The following UNC5D variants were observed in gnomAD, a reference collection of about 807,000 sequenced individuals.
The protein encoded by UNC5D is unc-5 netrin receptor D, also known as netrin receptor UNC5D.
UNC5D carries 39 observed loss-of-function variants against 105.4 expected under a neutral mutation model. That is an observed-to-expected ratio of 0.37 (90% CI 0.29 to 0.48). The LOEUF (loss-of-function observed/expected upper bound fraction) is 0.48. UNC5D is among the 20% of genes least tolerant of loss of function. The pLI is 0.98. For missense variants in UNC5D, 991 were observed against 1,202.4 expected (o/e 0.82, Z 2.60); for synonymous variants, 452 against 450.4 (o/e 1.00, Z -0.04).
chr8:35,774,266 G>T (rs1231124009), intron 15 of UNC5D, 33 bp from the exon 16 acceptor site: 2 of 1,612,308 alleles, frequency 1.2e-6, no homozygotes. Context: ...CTTTCAGATA[G>T]ATCTGATCAT....
At chr8:35,267,580 A>C (rs1804974803) in intron 1 of UNC5D, among the ~76,000 whole-genome samples, 2 of 152,096 alleles carry the variant, frequency 1.3e-5, no homozygotes, top group East Asian at 3.9e-4. Context: ...CTGGGATTAC[A>C]GGCACCCACC....
intron 1 of UNC5D, among the ~76,000 whole-genome samples, chr8:35,458,349 T>G (rs1808640514): frequency 6.6e-6 from 1 of 152,156 alleles, no homozygotes; most frequent in Non-Finnish European, 1.5e-5. Flanking sequence ...CAGAGGGGAC[T>G]GTTAATGGTG....
At chr8:35,621,911 G>A (rs1821381011) in intron 4 of UNC5D, among the ~76,000 whole-genome samples, 1 of 152,176 alleles carries the variant, frequency 6.6e-6, no homozygotes, top group African/African-American at 2.4e-5. Context: ...TCAAAGACAA[G>A]AGACCTGTGT....
intron 1 of UNC5D, chr8:35,544,652 G>C: frequency 7.6e-7 from 1 of 1,321,280 alleles, no homozygotes; most frequent in Non-Finnish European, 1.0e-6. Flanking sequence ...ACTCAGGCTG[G>C]AGTGCAATAG....
rs773296202 is a variant in UNC5D at position 35,368,333 on chromosome 8, A to T, written c.103+132446A>T. 8.7e-4 allele frequency among the ~76,000 whole-genome samples: 132 copies of T among 152,110 alleles called. 2 individuals are homozygous for T. Among genetic ancestry groups the T allele is most frequent in the Non-Finnish European group, 9.7e-4 (66 of 68,016 alleles). On this transcript the variant is annotated intron_variant, in intron 1 of 16. Coordinates refer to ENST00000404895, the MANE Select transcript of UNC5D (RefSeq NM_080872.4). ...GCCACCCCCCGACACATGTGCACAC[A>T]TGTGCGCATGCATGCACACCCACCC... is the stretch of plus-strand genomic sequence containing the variant.
At chr8:35,695,526 A>G (rs1188019445) in intron 7 of UNC5D, among the ~76,000 whole-genome samples, 1 of 151,916 alleles carries the variant, frequency 6.6e-6, no homozygotes, top group Non-Finnish European at 1.5e-5. Flanking sequence ...ACAGGGCAAG[A>G]CTCTGTCTCT....
At chr8:35,545,040 G>C (rs1815548375) in intron 1 of UNC5D, among the ~76,000 whole-genome samples, 1 of 152,234 alleles carries the variant, frequency 6.6e-6, no homozygotes, top group Admixed American at 6.5e-5. Context: ...AGCCTCTGCT[G>C]TGAATGTGGT....
At chr8:35,677,106 T>C (rs1175966484) in intron 4 of UNC5D, among the ~76,000 whole-genome samples, 1 of 152,156 alleles carries the variant, frequency 6.6e-6, no homozygotes, top group African/African-American at 2.4e-5. Context: ...CGGTCTACGT[T>C]TTGCCACGGT....
Position 35,627,867 on chromosome 8 carries a change from C to A in UNC5D, c.570+32210C>A, listed in dbSNP as rs959181675. 3.9e-5 allele frequency among the ~76,000 whole-genome samples: 6 copies of A among 152,242 alleles called. No homozygotes were observed. The South Asian group carries it at 1.2e-3, about 32-fold the overall frequency. Reference sequence around the variant, plus strand: ...TCTTGAGCCCAGGAGGTTGAGGCTGCATTGAGCTGTGGTTGTGCCACTACA... The same window carrying A: ...TCTTGAGCCCAGGAGGTTGAGGCTGAATTGAGCTGTGGTTGTGCCACTACA... On this transcript the variant is annotated intron_variant, in intron 4 of 16. Transcript: ENST00000404895.
chr8:35,679,292 G>A (rs952350366), intron 4 of UNC5D, among the ~76,000 whole-genome samples: 2 of 152,080 alleles, frequency 1.3e-5, no homozygotes, highest in African/African-American at 4.8e-5. Flanking sequence ...GTAAGCATTA[G>A]GAAGAAAAAG....
chr8:35,376,298 T>G (rs1802696319), intron 1 of UNC5D, among the ~76,000 whole-genome samples: 1 of 152,154 alleles, frequency 6.6e-6, no homozygotes, highest in South Asian at 2.1e-4. Context: ...TGAAAGTCTT[T>G]TACCTAAAAG....
rs556842111 is a variant in UNC5D at position 35,719,418 on chromosome 8, G to C, written c.1118-2792G>C. Among the ~76,000 whole-genome samples, 9 of 152,286 alleles carry C rather than the reference G, an allele frequency of 5.9e-5. No individual in the cohort carries two copies. In the South Asian group the frequency reaches 1.9e-3, roughly 32 times the overall value. ...GAAGTACAACCAGGTAGATCGAAGA[G>C]AGAAGGGTAAAAAAGAAAAGAAAGA... is the stretch of plus-strand genomic sequence containing the variant. On this transcript the variant is annotated intron_variant, in intron 8 of 16. Transcript: ENST00000404895.
At chr8:35,514,696 ACAAAAAG>A (rs923829178) in intron 1 of UNC5D, among the ~76,000 whole-genome samples, 72 of 152,322 alleles carry the variant, frequency 4.7e-4, no homozygotes, top group African/African-American at 1.5e-3. Context: ...GGCAATTCAA[ACAAAAAG>A]AAATCAACAT....
Position 35,793,035 on chromosome 8 carries a change from A to T in UNC5D, c.*2472A>T, listed in dbSNP as rs1176835023. On this transcript the variant is annotated 3_prime_UTR_variant, in exon 17 of 17. Transcript: ENST00000404895. ...ATCATATCATATAGGATAACAAAGGAGGAAGTTAACTTAATTCACCTCAGA... is the reference window on the plus strand; with the variant it reads ...ATCATATCATATAGGATAACAAAGGTGGAAGTTAACTTAATTCACCTCAGA... The T allele has an allele frequency of 2.2e-6, 1 of 454,478 alleles. No individual in the cohort carries two copies. The highest frequency in any genetic ancestry group is 7.0e-5 in the East Asian group (1 of 14,386). 28.2% of individuals were successfully genotyped at this position (454,478 alleles called of 1,614,324 possible).
chr8:35,486,843 C>T (rs1054970640), intron 1 of UNC5D, among the ~76,000 whole-genome samples: 1 of 152,138 alleles, frequency 6.6e-6, no homozygotes, highest in Non-Finnish European at 1.5e-5. Context: ...GAAGCCTTTT[C>T]TTCTAATGCA....
At chr8:35,236,605 C>T (rs1243091723) in intron 1 of UNC5D, among the ~76,000 whole-genome samples, 1 of 152,238 alleles carries the variant, frequency 6.6e-6, no homozygotes, top group Non-Finnish European at 1.5e-5. Context: ...AGGGAAACCT[C>T]TGCTTCTTTC....
At chr8:35,572,495 A>G (rs1029530825) in intron 3 of UNC5D, among the ~76,000 whole-genome samples, 11 of 152,082 alleles carry the variant, frequency 7.2e-5, no homozygotes, top group African/African-American at 2.4e-4. Context: ...GGGAAATAAT[A>G]TGAACAAAAA....
chr8:35,692,726 T>C (rs1308301477), intron 7 of UNC5D, among the ~76,000 whole-genome samples: 3 of 152,314 alleles, frequency 2.0e-5, no homozygotes, highest in Non-Finnish European at 4.4e-5. Flanking sequence ...GAAATGAAAA[T>C]GCCATTAGCA....
intron 1 of UNC5D, among the ~76,000 whole-genome samples, chr8:35,475,554 A>G (rs1810028394): frequency 6.6e-6 from 1 of 152,140 alleles, no homozygotes. Flanking sequence ...GAACCCAACT[A>G]TAGCTGTTTT....
Sources: gnomAD v4.1 joint callset for allele counts (sites outside exome capture counted in the v4.1 genomes callset) on GRCh38, gnomAD v4.1.1 for gene constraint, MANE v1.5 for transcripts, NCBI Gene and HGNC (gene_info 2026-07-23, HGNC 2026-07-21) for gene names.